Variants in SLC5A5 observed in about 807,000 individuals in gnomAD.
The protein encoded by SLC5A5 is sodium/iodide cotransporter.
A neutral mutation model predicts 68.6 loss-of-function variants in SLC5A5; 56 were observed. The ratio of observed to expected loss-of-function variants is 0.82; its 90% CI spans 0.66 to 1.02. SLC5A5 has a LOEUF of 1.02. Ranked by LOEUF, SLC5A5 falls within the 50% of genes least tolerant of loss-of-function variation. The pLI, the probability that SLC5A5 is intolerant of heterozygous loss-of-function variation, is 0.00. For synonymous variants in SLC5A5, 398 were observed against 373.0 expected (o/e 1.07, Z -0.77); for missense variants, 807 against 859.8 (o/e 0.94, Z 0.77).
chr19:17,883,211 A>G (rs1295530873), intron 10 of SLC5A5, among the ~76,000 whole-genome samples: 1 of 151,816 alleles, frequency 6.6e-6, no homozygotes, highest in Non-Finnish European at 1.5e-5. Flanking sequence ...CACCCGCCTC[A>G]GCCTTCCAAG....
Position 17,874,003 on chromosome 19 carries a change from C to G in SLC5A5, c.358-135C>G. The G allele has an allele frequency of 5.6e-6, 4 of 711,598 alleles. No individual in the cohort carries two copies. The South Asian group carries it at 6.0e-5, about 11-fold the overall frequency. 44.1% of individuals were successfully genotyped at this position (711,598 alleles called of 1,614,324 possible). On this transcript the variant is annotated intron_variant, in intron 1 of 14. Coordinates refer to ENST00000222248, the MANE Select transcript of SLC5A5 (RefSeq NM_000453.3). Reference sequence around the variant, plus strand: ...GCACGGGTGTGTGCGTGCGGCGGGGCCCCCACGTGCAAGAATCTGGCGGGC... The same window carrying G: ...GCACGGGTGTGTGCGTGCGGCGGGGGCCCCACGTGCAAGAATCTGGCGGGC...
intron 14 of SLC5A5, among the ~76,000 whole-genome samples, chr19:17,891,693 G>A (rs2030176647): frequency 6.6e-6 from 1 of 152,142 alleles, no homozygotes; most frequent in African/African-American, 2.4e-5. Flanking sequence ...AGTCAACTTG[G>A]GGAAAAAATC....
chr19:17,877,058 G>A (rs2094309256), intron 5 of SLC5A5, among the ~76,000 whole-genome samples: 2 of 151,430 alleles, frequency 1.3e-5, no homozygotes, highest in African/African-American at 2.4e-5. Context: ...GGATGGGGCT[G>A]GGCTCCCTTT....
intron 14 of SLC5A5, among the ~76,000 whole-genome samples, chr19:17,893,448 A>G (rs1027709765): frequency 2.0e-5 from 3 of 152,084 alleles, no homozygotes; most frequent in Admixed American, 1.3e-4. Flanking sequence ...GAAGCAGAGA[A>G]AGGAGGGAGG....
chr19:17,891,973 T>C (rs1183006968), intron 14 of SLC5A5, among the ~76,000 whole-genome samples: 2 of 152,098 alleles, frequency 1.3e-5, no homozygotes, highest in African/African-American at 4.8e-5. Context: ...TCTGTCTCAG[T>C]ATGTGATAAG....
In SLC5A5 at chr19:17,872,801, G is replaced by A. The variant is rs936976000; in HGVS notation, c.357+125G>A. ...GCGGATGGCACCTCGGTGCTTTAAC[G>A]GAAGGGGCCCCTAGGCAGACACGTG... On this transcript the variant is annotated intron_variant, in intron 1 of 14. Transcript: ENST00000222248. The A allele has an allele frequency of 3.7e-4, 260 of 697,306 alleles. 2 individuals are homozygous for A. In the Admixed American group the frequency reaches 5.4e-3, roughly 14 times the overall value. 43.2% of individuals were successfully genotyped at this position (697,306 alleles called of 1,614,324 possible).
At chr19:17,873,146 G>A (rs984070337) in intron 1 of SLC5A5, among the ~76,000 whole-genome samples, 1 of 152,196 alleles carries the variant, frequency 6.6e-6, no homozygotes, top group Non-Finnish European at 1.5e-5. Context: ...CTCCCTCCAG[G>A]GGAGAGGGTA....
Position 17,872,129 on chromosome 19 carries a change from G to A in SLC5A5, c.-191G>A. On this transcript the variant is annotated 5_prime_UTR_variant, in exon 1 of 15. Coordinates refer to ENST00000222248, the MANE Select transcript of SLC5A5 (RefSeq NM_000453.3). Reference sequence around the variant, plus strand: ...GGACAGGGAGGCCGACACGGACATCGACAGCCCATAGATTCCTAACCCAGG... The same window carrying A: ...GGACAGGGAGGCCGACACGGACATCAACAGCCCATAGATTCCTAACCCAGG... 2 of 585,996 alleles carry A rather than the reference G, an allele frequency of 3.4e-6. No homozygotes were observed. Among genetic ancestry groups the A allele is most frequent in the Non-Finnish European group, 6.1e-6 (2 of 330,442 alleles). The allele number at this position is 585,996 out of a possible 1,614,324, so 36.3% of individuals were successfully genotyped here.
intron 10 of SLC5A5, among the ~76,000 whole-genome samples, chr19:17,883,472 A>G (rs1281923015): frequency 6.6e-6 from 1 of 150,446 alleles, no homozygotes; most frequent in South Asian, 2.1e-4. Flanking sequence ...GCCACCCCCA[A>G]GAGATAATCA....
At chr19:17,882,974 C>T (rs1230071494) in intron 10 of SLC5A5, among the ~76,000 whole-genome samples, 1 of 152,090 alleles carries the variant, frequency 6.6e-6, no homozygotes, top group Non-Finnish European at 1.5e-5. Flanking sequence ...TGAGCCACCG[C>T]GCCCAGCTTA....
rs144414588 is a variant in SLC5A5 at position 17,881,912 on chromosome 19, C to T, written c.1059-48C>T. Reference sequence around the variant, plus strand: ...GGTCTGGCAGGCCAGATGGTGTGGACGGTCTCTCCATATGGCCTGAGGACC... The same window carrying T: ...GGTCTGGCAGGCCAGATGGTGTGGATGGTCTCTCCATATGGCCTGAGGACC... On this transcript the variant is annotated intron_variant, in intron 8 of 14. Coordinates refer to ENST00000222248, the MANE Select transcript of SLC5A5 (RefSeq NM_000453.3). 343 of 1,424,694 alleles carry T rather than the reference C, an allele frequency of 2.4e-4. 1 individual carries two copies. In the African/African-American group the frequency reaches 4.2e-3, roughly 17 times the overall value. 88.3% of individuals were successfully genotyped at this position (1,424,694 alleles called of 1,614,324 possible).
intron 12 of SLC5A5, among the ~76,000 whole-genome samples, chr19:17,887,597 ATT>A (rs59690936): frequency 1.9e-4 from 23 of 120,898 alleles, no homozygotes; most frequent in Non-Finnish European, 2.7e-4. Context: ...GAAGTTTTTA[ATT>A]TTTTTTTTTT....
In SLC5A5 at chr19:17,883,648, C is replaced by T. The variant is rs768377603; in HGVS notation, c.1243-33C>T. 25 of 1,544,354 alleles carry T rather than the reference C, an allele frequency of 1.6e-5. No homozygotes were observed. The Admixed American group carries it at 3.5e-4, about 22-fold the overall frequency. On this transcript the variant is annotated intron_variant, in intron 10 of 14. Coordinates refer to ENST00000222248, the MANE Select transcript of SLC5A5 (RefSeq NM_000453.3). ...GAGGCCCAGAGCGGTGGGAGGGCTC[C>T]GCCCTCAGCCCCACTTCCACCTACT...
Position 17,893,775 on chromosome 19 carries a change from TC to T in SLC5A5, c.1831del (p.Arg611ValfsTer93). The T allele has an allele frequency of 6.2e-7, 1 of 1,613,558 alleles. No homozygotes were observed. The highest frequency in any genetic ancestry group is 8.5e-7 in the Non-Finnish European group (1 of 1,179,814). ...CTGGCTTCCTGCCCACCAATGAGGA[TC>T]GTCTGTTTTTCTTGGGGCAGAAGGA... ...PPGFLPTNED[R>X]LFFLGQKELE... On this transcript the variant is annotated frameshift_variant, in exon 15 of 15. Coordinates refer to ENST00000222248, the MANE Select transcript of SLC5A5 (RefSeq NM_000453.3). LOFTEE classifies it low-confidence loss of function (END_TRUNC).
In SLC5A5 at chr19:17,893,808, G is replaced by C. The variant is rs1177747287; in HGVS notation, c.1863G>C (p.Glu621Asp). ...TTTTCTTGGGGCAGAAGGAGCTGGA[G>C]GGGGCTGGCTCTTGGACCCCCTGTG... ...RLFFLGQKEL[E>D]GAGSWTPCVG... Residue 621 changes from glutamate to aspartate, a missense_variant, in exon 15 of 15, where the codon GAG becomes GAC. By Grantham distance (45) the Glu-to-Asp change is conservative. Coordinates refer to ENST00000222248, the MANE Select transcript of SLC5A5 (RefSeq NM_000453.3). 3 of 1,608,248 alleles carry C rather than the reference G, an allele frequency of 1.9e-6. No homozygotes were observed. Among genetic ancestry groups the C allele is most frequent in the Admixed American group, 1.7e-5 (1 of 59,332 alleles).
chr19:17,882,710 G>C (rs2094323599), intron 10 of SLC5A5, among the ~76,000 whole-genome samples: 1 of 151,660 alleles, frequency 6.6e-6, no homozygotes, highest in African/African-American at 2.4e-5. Flanking sequence ...TTGAGACGGA[G>C]TCTCGCTCTG....
Position 17,894,058 on chromosome 19 carries a change from C to G in SLC5A5, c.*181C>G, listed in dbSNP as rs911985423. ...GCCTCCGGGAGGTCATTTTTTAAATCCAGCCCCTTGCTTCAACCGTCCCCA... is the reference window on the plus strand; with the variant it reads ...GCCTCCGGGAGGTCATTTTTTAAATGCAGCCCCTTGCTTCAACCGTCCCCA... On this transcript the variant is annotated 3_prime_UTR_variant, in exon 15 of 15. Coordinates refer to ENST00000222248, the MANE Select transcript of SLC5A5 (RefSeq NM_000453.3). The G allele has an allele frequency of 1.6e-6, 1 of 637,890 alleles. No individual in the cohort carries two copies. The highest frequency in any genetic ancestry group is 2.7e-6 in the Non-Finnish European group (1 of 364,260). 39.5% of individuals were successfully genotyped at this position (637,890 alleles called of 1,614,324 possible).
chr19:17,891,476 G>T (rs549387979), intron 14 of SLC5A5, among the ~76,000 whole-genome samples: 1 of 152,042 alleles, frequency 6.6e-6, no homozygotes, highest in African/African-American at 2.4e-5. Context: ...AAAGTGCTGG[G>T]ATGACAGGCA....
chr19:17,872,425 C>T lies in SLC5A5; in HGVS notation c.106C>T (p.Leu36=). The change falls in exon 1 of 15, where the codon CTG becomes TTG. Residue 36 remains leucine, a synonymous_variant. Coordinates refer to ENST00000222248, the MANE Select transcript of SLC5A5 (RefSeq NM_000453.3). ...VSTGIGLWVG[L]ARGGQRSAED... ...CACTGGCATCGGGCTGTGGGTCGGG[C>T]TGGCTCGGGGCGGGCAGCGCAGCGC... is the stretch of plus-strand genomic sequence containing the variant. 1 of 1,608,716 alleles carries T rather than the reference C, an allele frequency of 6.2e-7. No homozygotes were observed. The highest frequency in any genetic ancestry group is 8.5e-7 in the Non-Finnish European group (1 of 1,177,560).
Sources: gnomAD v4.1 joint callset for allele counts (sites outside exome capture counted in the v4.1 genomes callset) on GRCh38, gnomAD v4.1.1 for gene constraint, MANE v1.5 for transcripts, NCBI Gene and HGNC (gene_info 2026-07-23, HGNC 2026-07-21) for gene names.